CDRT4: variants seen among roughly 807,000 people sequenced by gnomAD.
CDRT4 encodes CMT1A duplicated region transcript 4.
For missense variants in CDRT4, 167 were observed against 193.1 expected (o/e 0.87, Z 0.80); for synonymous variants, 64 against 69.6 (o/e 0.92, Z 0.40).
Position 15,438,146 on chromosome 17 carries a change from C to A in CDRT4, c.86G>T (p.Trp29Leu). Residue 29 changes from tryptophan (W) to leucine (L), a missense_variant, in exon 4 of 4, where the codon TGG (tryptophan) becomes TTG (leucine). By Grantham distance (61) the Trp-to-Leu change is moderately conservative (BLOSUM62 -2). Coordinates refer to ENST00000619038, the MANE Select transcript of CDRT4 (RefSeq NM_001204477.2). The stretch of plus-strand genomic sequence containing the variant: ...AGAGGTATAGGTGACATAGGCCGGC[C>A]AGGGGTCATGTTTTTCAAGTAGCTT... ...PRKLLEKHDPWPAYVTYTSQT... is the reference protein window; with the variant it reads ...PRKLLEKHDPLPAYVTYTSQT... 6.2e-7 allele frequency: 1 copy of A among 1,614,078 alleles called. No homozygotes were observed. The highest frequency in any genetic ancestry group is 8.5e-7 in the Non-Finnish European group (1 of 1,180,014).
intron 1 of CDRT4, among the ~76,000 whole-genome samples, chr17:15,462,043 G>A (rs756613056): frequency 7.2e-5 from 11 of 152,178 alleles, no homozygotes; most frequent in Non-Finnish European, 1.2e-4. Flanking sequence ...AGGCCAGGCT[G>A]CATAAAAGCC....
At chr17:15,465,092 AACACAGACACACACCAAC>A (rs1435033612) in intron 1 of CDRT4, among the ~76,000 whole-genome samples, 1 of 148,978 alleles carries the variant, frequency 6.7e-6, no homozygotes, top group Non-Finnish European at 1.5e-5. Context: ...AGACACACAC[AACACAGACACACACCAAC>A]ACACAGACAC....
intron 1 of CDRT4, among the ~76,000 whole-genome samples, chr17:15,460,829 C>T (rs1323880647): frequency 1.3e-5 from 2 of 152,106 alleles, no homozygotes; most frequent in African/African-American, 4.8e-5. Context: ...CCATGGCTGC[C>T]TCTGTCCACC....
intron 1 of CDRT4, among the ~76,000 whole-genome samples, chr17:15,467,237 G>A (rs1394349990): frequency 6.6e-6 from 1 of 152,208 alleles, no homozygotes; most frequent in Non-Finnish European, 1.5e-5. Flanking sequence ...TGTTGGCAAG[G>A]GTTGGGCATC....
chr17:15,445,381 T>G (rs949378662), intron 2 of CDRT4, among the ~76,000 whole-genome samples: 7 of 152,086 alleles, frequency 4.6e-5, no homozygotes, highest in African/African-American at 1.7e-4. Flanking sequence ...AGAAAAAAAA[T>G]GCCATGTTAA....
chr17:15,462,200 A>T (rs555740068), intron 1 of CDRT4, among the ~76,000 whole-genome samples: 2 of 152,144 alleles, frequency 1.3e-5, no homozygotes, highest in Admixed American at 1.3e-4. Flanking sequence ...AGGCCGAGGC[A>T]GGCAGATCAC....
In CDRT4 at chr17:15,457,135, C is replaced by T. The variant is rs1597466658; in HGVS notation, c.-129-4050G>A. The stretch of plus-strand genomic sequence containing the variant: ...AAATGAGGATTGAGGTCTGCTGCAC[C>T]CTGTCTCCCTTCCAGCTCGAACCTC... On this transcript the variant is annotated intron_variant, in intron 1 of 3. Transcript: ENST00000619038. Among the ~76,000 whole-genome samples, 4 of 152,102 alleles carry T rather than the reference C, an allele frequency of 2.6e-5. No individual in the cohort carries two copies. In the South Asian group the frequency reaches 8.3e-4, roughly 32 times the overall value.
At chr17:15,444,043 A>C (rs1352945005) in intron 2 of CDRT4, 5 of 877,954 alleles carry the variant, frequency 5.7e-6, no homozygotes, top group Non-Finnish European at 9.2e-6. Flanking sequence ...TCTCAAACCC[A>C]GAAAGATGAA....
chr17:15,460,011 C>A (rs769186841), intron 1 of CDRT4, among the ~76,000 whole-genome samples: 1 of 152,128 alleles, frequency 6.6e-6, no homozygotes, highest in Non-Finnish European at 1.5e-5. Context: ...GCACCCTTCA[C>A]GTCTTCATCT....
chr17:15,448,742 C>G (rs1324675731), intron 2 of CDRT4, among the ~76,000 whole-genome samples: 3 of 152,164 alleles, frequency 2.0e-5, no homozygotes, highest in African/African-American at 7.2e-5. Context: ...AAGCTTGTGC[C>G]CCCAGGCTAC....
Position 15,456,396 on chromosome 17 carries a change from T to C in CDRT4, c.-129-3311A>G, listed in dbSNP as rs527434883. 3.9e-5 allele frequency among the ~76,000 whole-genome samples: 6 copies of C among 152,232 alleles called. No individual in the cohort carries two copies. The South Asian group carries it at 1.2e-3, about 32-fold the overall frequency. On this transcript the variant is annotated intron_variant, in intron 1 of 3. Coordinates refer to ENST00000619038, the MANE Select transcript of CDRT4 (RefSeq NM_001204477.2). ...AGATCTGACATTTTCATGGTTTCTT[T>C]TGAAAACTAAGTAAAAATGTTCTTG...
At chr17:15,462,825 G>A (rs1448565520) in intron 1 of CDRT4, among the ~76,000 whole-genome samples, 2 of 152,130 alleles carry the variant, frequency 1.3e-5, no homozygotes, top group Non-Finnish European at 2.9e-5. Flanking sequence ...AGGGGTTATC[G>A]ATGGGAGAAG....
In CDRT4 at chr17:15,442,511, A is replaced by C. The variant is rs539797259; in HGVS notation, c.-47-2226T>G. On this transcript the variant is annotated intron_variant, in intron 2 of 3. Transcript: ENST00000619038. Reference sequence around the variant, plus strand: ...ATATGTTTCAGCTGGCAGTATTTGGAGGGATTGGGAGTCATTCCTTTCATC... The same window carrying C: ...ATATGTTTCAGCTGGCAGTATTTGGCGGGATTGGGAGTCATTCCTTTCATC... 2.6e-5 allele frequency among the ~76,000 whole-genome samples: 4 copies of C among 152,080 alleles called. No individual in the cohort carries two copies. In the South Asian group the frequency reaches 6.2e-4, roughly 24 times the overall value.
rs112721883 is a variant in CDRT4 at position 15,443,550 on chromosome 17, C to T, written c.-47-3265G>A. On this transcript the variant is annotated intron_variant, in intron 2 of 3. Transcript: ENST00000619038. ...CTCCCACCTCTGCGTCCCAAAGTGC[C>T]GGGATTATAGGTGTGAATCATAACA... is the stretch of plus-strand genomic sequence containing the variant. The T allele has an allele frequency of 1.6e-3, 348 of 219,714 alleles. 1 individual carries two copies. Among genetic ancestry groups the T allele is most frequent in the African/African-American group, 8.2e-3 (342 of 41,862 alleles). The allele number at this position is 219,714 out of a possible 1,614,324, so 13.6% of individuals were successfully genotyped here.
At position 15,440,936 on chromosome 17, in the gene CDRT4, C is replaced by T. The variant is rs546848025; in HGVS notation, c.-47-651G>A. On this transcript the variant is annotated intron_variant, in intron 2 of 3. Transcript: ENST00000619038. ...CCTCCAGAACTGCTGATTTAGCAAC[C>T]GCTGTTTTAAGCCAAAAGGGGGAAA... is the stretch of plus-strand genomic sequence containing the variant. 2.0e-5 allele frequency among the ~76,000 whole-genome samples: 3 copies of T among 152,116 alleles called. No individual in the cohort carries two copies. The South Asian group carries it at 6.2e-4, about 32-fold the overall frequency.
At position 15,438,108 on chromosome 17, in the gene CDRT4, T is replaced by C; in HGVS notation, c.124A>G (p.Arg42Gly). The change falls in exon 4 of 4, where the codon AGA becomes GGA. Residue 42 changes from arginine (R) to glycine (G), a missense_variant. Transcript: ENST00000619038. ...CTAGTTTTGCTTTTCTCAATGAGTCTTTTCACTGTCTGAGAGGTATAGGTG... is the reference window on the plus strand; with the variant it reads ...CTAGTTTTGCTTTTCTCAATGAGTCCTTTCACTGTCTGAGAGGTATAGGTG... Reference protein sequence around the residue: ...YVTYTSQTVKRLIEKSKTREL... With the variant: ...YVTYTSQTVKGLIEKSKTREL... 6.2e-7 allele frequency: 1 copy of C among 1,614,176 alleles called. No homozygotes were observed. Among genetic ancestry groups the C allele is most frequent in the Non-Finnish European group, 8.5e-7 (1 of 1,180,020 alleles).
intron 3 of CDRT4, 83 bp downstream of exon 3, chr17:15,440,125 C>T (rs1978687928): frequency 1.5e-6 from 2 of 1,348,006 alleles, no homozygotes; most frequent in East Asian, 5.1e-5. Context: ...AGTGGCCGCC[C>T]AGTGGCCTCT....
chr17:15,465,678 A>G (rs1980003968), intron 1 of CDRT4, among the ~76,000 whole-genome samples: 1 of 152,160 alleles, frequency 6.6e-6, no homozygotes, highest in Non-Finnish European at 1.5e-5. Flanking sequence ...CACACAACAC[A>G]CAAAACACAC....
At chr17:15,467,071 G>A (rs577513061) in intron 1 of CDRT4, among the ~76,000 whole-genome samples, 51 of 152,324 alleles carry the variant, frequency 3.3e-4, no homozygotes, top group Admixed American at 1.5e-3. Context: ...AGGGGATGGG[G>A]GGGAACGGGG....
Sources: gnomAD v4.1 joint callset for allele counts (sites outside exome capture counted in the v4.1 genomes callset) on GRCh38, gnomAD v4.1.1 for gene constraint, MANE v1.5 for transcripts, NCBI Gene and HGNC (gene_info 2026-07-23, HGNC 2026-07-21) for gene names.